The following ANO1 variants were observed in gnomAD, a reference collection of about 807,000 sequenced individuals.
ANO1 encodes the protein anoctamin 1.
ANO1 carries 59 observed loss-of-function variants against 124.0 expected under a neutral mutation model. The observed-to-expected ratio is 0.48, with a 90% CI of 0.39 to 0.59. The LOEUF (loss-of-function observed/expected upper bound fraction) is 0.59, where lower values mean the gene tolerates loss of function less well. Among genes scored for constraint, ANO1 ranks in the 20% least tolerant of loss-of-function variants. The probability of loss-of-function intolerance (pLI) is 0.00; values close to 1 mark genes in which losing one functional copy is unlikely to be tolerated. For missense variants in ANO1, 1,059 were observed against 1,328.0 expected (o/e 0.80, Z 3.15); for synonymous variants, 529 against 532.0 (o/e 0.99, Z 0.08).
At chr11:70,075,701 G>A (rs2044048823), upstream of ANO1, among the ~76,000 whole-genome samples, 1 of 152,182 alleles carries the variant, frequency 6.6e-6, no homozygotes, top group Non-Finnish European at 1.5e-5. Flanking sequence ...AAAAATCACT[G>A]AGACAAAAAG....
At chr11:70,053,082 T>G (rs1857379490) in intron 1 of ANO1, among the ~76,000 whole-genome samples, 1 of 152,246 alleles carries the variant, frequency 6.6e-6, no homozygotes, top group African/African-American at 2.4e-5. Context: ...GAAGAACAAT[T>G]GACTTTTGAG....
At chr11:70,104,648 C>T (rs999020267) in intron 4 of ANO1, among the ~76,000 whole-genome samples, 3 of 152,226 alleles carry the variant, frequency 2.0e-5, no homozygotes, top group Admixed American at 6.5e-5. Context: ...TCCCTCCTCC[C>T]GAGGGGCAGT....
chr11:70,029,748 C>A (rs1402979432), intron 1 of ANO1, among the ~76,000 whole-genome samples: 1 of 152,222 alleles, frequency 6.6e-6, no homozygotes, highest in Non-Finnish European at 1.5e-5. Flanking sequence ...AGAGTGTGAG[C>A]AGGCCACACT....
chr11:70,170,874 G>A lies in ANO1; in HGVS notation c.2198-13G>A. ...CTCACGGGGTGCTGACTAGCACTGG[G>A]CTCTCTCTGCAGTCATCCAGTTTGG... is the stretch of plus-strand genomic sequence containing the variant. On this transcript the variant is annotated splice_polypyrimidine_tract_variant and intron_variant, in intron 21 of 25. Coordinates refer to ENST00000355303, the MANE Select transcript of ANO1 (RefSeq NM_018043.7). 6.2e-7 allele frequency: 1 copy of A among 1,611,946 alleles called. No homozygotes were observed. Among genetic ancestry groups the A allele is most frequent in the Non-Finnish European group, 8.5e-7 (1 of 1,179,068 alleles).
chr11:70,081,081 A>T (rs2044186653), intron 1 of ANO1, among the ~76,000 whole-genome samples: 2 of 152,196 alleles, frequency 1.3e-5, no homozygotes, highest in Admixed American at 6.5e-5. Context: ...ACCACAAGAT[A>T]AGTTCATCCA....
At chr11:70,014,010 A>G (rs552192027) in intron 1 of ANO1, among the ~76,000 whole-genome samples, 39 of 151,228 alleles carry the variant, frequency 2.6e-4, no homozygotes, top group Non-Finnish European at 5.3e-4. Context: ...ACAGAGAGAG[A>G]GAGAGAGAGA....
intron 1 of ANO1, among the ~76,000 whole-genome samples, chr11:70,019,244 C>A (rs1856756093): frequency 7.6e-6 from 1 of 131,658 alleles, no homozygotes; most frequent in Non-Finnish European, 1.6e-5. Context: ...AGAACCCCCC[C>A]ACACACACAC....
chr11:69,977,813 A>G, the ANO1 span, among the ~76,000 whole-genome samples: 1 of 152,220 alleles, frequency 6.6e-6, no homozygotes, highest in Non-Finnish European at 1.5e-5. Context: ...GGCTGCTCTG[A>G]GCACTTTGGA....
At chr11:70,168,668 A>C (rs1053661291) in intron 21 of ANO1, among the ~76,000 whole-genome samples, 3 of 152,144 alleles carry the variant, frequency 2.0e-5, no homozygotes, top group African/African-American at 7.2e-5. Flanking sequence ...CTGGCCACCA[A>C]GGTCAACTTC....
At chr11:69,997,532 C>T (rs1856294316) in intron 1 of ANO1, among the ~76,000 whole-genome samples, 1 of 152,148 alleles carries the variant, frequency 6.6e-6, no homozygotes, top group Admixed American at 6.5e-5. Flanking sequence ...CCCCCAGCCA[C>T]TCTCCCCCCG....
At chr11:70,020,156 A>C (rs1284129969) in intron 1 of ANO1, among the ~76,000 whole-genome samples, 1 of 152,132 alleles carries the variant, frequency 6.6e-6, no homozygotes, top group African/African-American at 2.4e-5. Context: ...ACTCTTGTGG[A>C]TTGTTTAGTC....
chr11:70,066,256 G>T (rs1555008569), intron 1 of ANO1, among the ~76,000 whole-genome samples: 2 of 152,224 alleles, frequency 1.3e-5, no homozygotes, highest in African/African-American at 4.8e-5. Flanking sequence ...CAAGCAGGGG[G>T]TCAGATGCCG....
At chr11:69,982,733 T>A (rs1225761980), upstream of ANO1, among the ~76,000 whole-genome samples, 3 of 152,258 alleles carry the variant, frequency 2.0e-5, no homozygotes, top group Admixed American at 6.5e-5. Context: ...TGCTCACTCC[T>A]CCAGGCTGGA....
intron 1 of ANO1, among the ~76,000 whole-genome samples, chr11:70,055,164 A>C (rs1232479064): frequency 2.0e-5 from 3 of 152,134 alleles, no homozygotes; most frequent in Admixed American, 2.0e-4. Context: ...ATGGCTTAAC[A>C]TGGTCTATTG....
chr11:70,182,197 G>T (rs1018387021), intron 23 of ANO1, among the ~76,000 whole-genome samples: 4 of 151,192 alleles, frequency 2.6e-5, no homozygotes, highest in Non-Finnish European at 5.9e-5. Flanking sequence ...CAGAGAGGTT[G>T]GGTGATTTGC....
intron 1 of ANO1, among the ~76,000 whole-genome samples, chr11:69,987,969 T>G (rs10898918): frequency 0.81 from 123,170 of 152,088 alleles, 50,574 homozygotes; most frequent in East Asian, 0.99. Flanking sequence ...CGGCTGTGTG[T>G]GGGGTGGAAT....
intron 6 of ANO1, 88 bp from the exon 7 acceptor site, chr11:70,111,619 T>G: frequency 1.6e-5 from 21 of 1,288,200 alleles, no homozygotes; most frequent in Non-Finnish European, 2.3e-5. Context: ...TCTTAGTGGC[T>G]GAGATGGCCC....
chr11:70,131,146 G>A (rs1266868251), intron 10 of ANO1, among the ~76,000 whole-genome samples: 3 of 152,234 alleles, frequency 2.0e-5, no homozygotes, highest in Admixed American at 6.5e-5. Context: ...CTCAAGGATA[G>A]GCTGCAGAGG....
chr11:70,016,878 GT>G (rs1856712461), intron 1 of ANO1, among the ~76,000 whole-genome samples: 1 of 152,264 alleles, frequency 6.6e-6, no homozygotes, highest in African/African-American at 2.4e-5. Context: ...CCAGCTGCTT[GT>G]CTCACACTGC....
Sources: gnomAD v4.1 joint callset for allele counts (sites outside exome capture counted in the v4.1 genomes callset) on GRCh38, gnomAD v4.1.1 for gene constraint, MANE v1.5 for transcripts, NCBI Gene and HGNC (gene_info 2026-07-23, HGNC 2026-07-21) for gene names.